The following TNS1 variants were observed in gnomAD, a reference collection of about 807,000 sequenced individuals.
The protein encoded by TNS1 is tensin 1.
TNS1 carries 62 observed loss-of-function variants against 168.6 expected under a neutral mutation model. The observed-to-expected ratio is 0.37, with a 90% CI of 0.30 to 0.45. The LOEUF is 0.45. Ranked by LOEUF, TNS1 falls within the 20% of genes least tolerant of loss-of-function variation. The pLI is 1.00. For missense variants in TNS1, 2,240 were observed against 2,339.4 expected, an observed-to-expected ratio of 0.96 and a Z score of 0.88; for synonymous variants, 934 against 933.2, an observed-to-expected ratio of 1.00 and a Z score of -0.02.
intron 18 of TNS1, among the ~76,000 whole-genome samples, chr2:217,861,982 G>C (rs1948823679): frequency 6.6e-6 from 1 of 152,232 alleles, no homozygotes. Flanking sequence ...GGCCAGCATA[G>C]AGAAGAGGCT....
At chr2:217,819,970 T>TG (rs1185144019) in intron 23 of TNS1, among the ~76,000 whole-genome samples, 4 of 151,914 alleles carry the variant, frequency 2.6e-5, no homozygotes. Context: ...AGGTTTTGGT[T>TG]GGGGGTGTGC....
rs141257883 is a variant in TNS1 at position 218,019,279 on chromosome 2, T to C, written c.156+14541A>G. Among the ~76,000 whole-genome samples the C allele has an allele frequency of 1.3e-3, 193 of 152,142 alleles. 2 individuals carry two copies. Among genetic ancestry groups the C allele is most frequent in the Admixed American group, 4.3e-3 (66 of 15,288 alleles). ...GCTGGATCTCCCAGAAAGAGAAAAG[T>C]TCATGCTAAAGGAACTTTCTGACCA... On this transcript the variant is annotated intron_variant, in intron 1 of 1. Coordinates refer to the TNS1 transcript ENST00000649572.
At chr2:217,952,910 C>T (rs1324094633) in intron 3 of TNS1, among the ~76,000 whole-genome samples, 3 of 152,168 alleles carry the variant, frequency 2.0e-5, no homozygotes, top group Non-Finnish European at 4.4e-5. Flanking sequence ...CCAGTCCTTT[C>T]CTTGTAATGA....
intron 1 of TNS1, among the ~76,000 whole-genome samples, chr2:218,000,752 C>G (rs1958547608): frequency 2.0e-5 from 3 of 152,196 alleles, no homozygotes; most frequent in East Asian, 3.8e-4. Context: ...CTGCCCCAGT[C>G]TCTGGCCCAT....
intron 19 of TNS1, among the ~76,000 whole-genome samples, chr2:217,837,492 G>C (rs1945331185): frequency 6.6e-6 from 1 of 152,206 alleles, no homozygotes; most frequent in East Asian, 1.9e-4. Flanking sequence ...GCCACTCTGA[G>C]ACACGCCCTC....
At chr2:217,833,300 T>C (rs565558174) in intron 21 of TNS1, among the ~76,000 whole-genome samples, 1 of 152,344 alleles carries the variant, frequency 6.6e-6, no homozygotes, top group East Asian at 1.9e-4. Context: ...GTTCCCCCAG[T>C]TCCTGGGCAA....
chr2:217,869,555 G>A (rs1404043027), intron 18 of TNS1, among the ~76,000 whole-genome samples: 2 of 152,134 alleles, frequency 1.3e-5, no homozygotes, highest in African/African-American at 2.4e-5. Context: ...CCCCACCTGC[G>A]TGGGACTCTG....
intron 18 of TNS1, among the ~76,000 whole-genome samples, chr2:217,869,840 G>A (rs1949620785): frequency 6.6e-6 from 1 of 152,164 alleles, no homozygotes; most frequent in Non-Finnish European, 1.5e-5. Context: ...GCTCCTGGGA[G>A]CAGCAGGGAC....
intron 6 of TNS1, among the ~76,000 whole-genome samples, chr2:217,903,037 A>G (rs1259532425): frequency 1.3e-5 from 2 of 152,202 alleles, no homozygotes; most frequent in Non-Finnish European, 2.9e-5. Context: ...AGGTGACCTC[A>G]CACGAGGCTA....
chr2:217,858,968 A>AGCCCCC (rs1559253045), intron 18 of TNS1, among the ~76,000 whole-genome samples: 1 of 35,224 alleles, frequency 2.8e-5, no homozygotes. Flanking sequence ...GCCCAGCCCC[A>AGCCCCC]GCCCCAGCCC....
chr2:217,858,892 C>T (rs1441330932), intron 18 of TNS1, among the ~76,000 whole-genome samples: 2 of 151,990 alleles, frequency 1.3e-5, no homozygotes, highest in Admixed American at 6.6e-5. Context: ...TTCCCAAGCC[C>T]TTCACTCCCA....
chr2:217,917,265 C>A (rs73990629), intron 4 of TNS1, among the ~76,000 whole-genome samples: 8,613 of 152,260 alleles, frequency 0.057, 537 homozygotes, highest in African/African-American at 0.15. Flanking sequence ...CCTAATCTGC[C>A]AGACATCGGG....
At chr2:217,886,183 AAG>A in intron 13 of TNS1, 79 bp from the exon 14 acceptor site, 1 of 1,471,612 alleles carries the variant, frequency 6.8e-7, no homozygotes, top group Non-Finnish European at 9.4e-7. Context: ...TGAAGGGAGA[AAG>A]AGAGAAAGGA....
chr2:217,808,698 A>T (rs954278997), intron 30 of TNS1, 27 bp from the exon 31 acceptor site: 1 of 1,611,008 alleles, frequency 6.2e-7, no homozygotes. Context: ...AGATAAACAG[A>T]GAATGAGTGC....
chr2:217,980,087 C>T (rs1316188803), intron 2 of TNS1, among the ~76,000 whole-genome samples: 2 of 152,166 alleles, frequency 1.3e-5, no homozygotes, highest in African/African-American at 4.8e-5. Context: ...GGGAAGCACA[C>T]TGGGTGGTGC....
chr2:217,808,154 T>C, intron 31 of TNS1, 47 bp from the exon 32 acceptor site: 4 of 1,604,590 alleles, frequency 2.5e-6, no homozygotes, highest in Non-Finnish European at 3.4e-6. Context: ...ACTTTCTCCC[T>C]AGAGCCCAGC....
intron 6 of TNS1, among the ~76,000 whole-genome samples, chr2:217,901,134 G>A (rs1040646547): frequency 3.3e-5 from 5 of 152,136 alleles, no homozygotes; most frequent in Non-Finnish European, 5.9e-5. Context: ...CACAGCTGTC[G>A]AGTGGTACAA....
rs566859769 is a variant in TNS1 at position 218,016,761 on chromosome 2, G to T, written c.156+17059C>A. Among the ~76,000 whole-genome samples, 194 of 152,294 alleles carry T rather than the reference G, an allele frequency of 1.3e-3. 7 individuals are homozygous for T. The South Asian group carries it at 0.039, about 31-fold the overall frequency. ...AGAGGCACTGGGGCTGAGACCTGGC[G>T]TCAAAGACTGGAGATGTGAGCAAGC... On this transcript the variant is annotated intron_variant, in intron 1 of 1. Transcript: ENST00000649572.
intron 4 of TNS1, 50 bp from the exon 5 acceptor site, chr2:217,907,301 G>A (rs1156855266): frequency 1.7e-5 from 12 of 702,434 alleles, no homozygotes; most frequent in Non-Finnish European, 2.1e-5. Context: ...GACATCCCAG[G>A]GATGGGCTCT....
Sources: allele counts gnomAD v4.1 joint callset (sites outside exome capture counted in the v4.1 genomes callset), GRCh38; gene constraint gnomAD v4.1.1; transcripts MANE v1.5; gene names NCBI Gene and HGNC (gene_info 2026-07-23, HGNC 2026-07-21).